LPGAT1: variants seen among roughly 807,000 people sequenced by gnomAD.
LPGAT1 encodes lysophosphatidylglycerol acyltransferase 1.
In LPGAT1, 11 loss-of-function variants were observed where a neutral mutation model predicts 47.5. The ratio of observed to expected loss-of-function variants is 0.23; its 90% CI spans 0.15 to 0.38. The LOEUF is 0.38. Ranked by LOEUF, LPGAT1 falls within the 10% of genes least tolerant of loss-of-function variation. LPGAT1 has a pLI of 1.00. For synonymous variants in LPGAT1, 138 were observed against 144.2 expected (o/e 0.96, Z 0.31); for missense variants, 293 against 439.0 (o/e 0.67, Z 2.97).
intron 2 of LPGAT1, among the ~76,000 whole-genome samples, chr1:211,797,987 A>T (rs1444019604): frequency 1.3e-5 from 2 of 152,150 alleles, no homozygotes; most frequent in Non-Finnish European, 2.9e-5. Flanking sequence ...ACATTCTAAC[A>T]TGTATATCAA....
intron 2 of LPGAT1, among the ~76,000 whole-genome samples, chr1:211,794,542 G>A (rs985056835): frequency 3.3e-5 from 5 of 152,120 alleles, no homozygotes; most frequent in African/African-American, 7.2e-5. Flanking sequence ...CTGGGCTCAA[G>A]CAATCCACCG....
chr1:211,792,704 T>G (rs977027637), intron 3 of LPGAT1, among the ~76,000 whole-genome samples: 1 of 139,656 alleles, frequency 7.2e-6, no homozygotes, highest in Non-Finnish European at 1.5e-5. Flanking sequence ...ATATTTGAAT[T>G]GATTCCCTTT....
At chr1:211,826,576 G>A (rs1660549350) in intron 2 of LPGAT1, among the ~76,000 whole-genome samples, 1 of 151,972 alleles carries the variant, frequency 6.6e-6, no homozygotes, top group Non-Finnish European at 1.5e-5. Context: ...TACTATATGG[G>A]GCTGTGTAGG....
chr1:211,796,347 A>G (rs1327458274), intron 2 of LPGAT1, among the ~76,000 whole-genome samples: 1 of 152,180 alleles, frequency 6.6e-6, no homozygotes, highest in Admixed American at 6.5e-5. Context: ...TGGAGTCCTT[A>G]TAAGAATAGG....
intron 2 of LPGAT1, among the ~76,000 whole-genome samples, chr1:211,805,018 G>A (rs1290200488): frequency 1.3e-5 from 2 of 151,668 alleles, no homozygotes; most frequent in East Asian, 1.9e-4. Context: ...TAAAATTGGG[G>A]GGATGTAAAT....
chr1:211,749,741 G>A lies in LPGAT1; in HGVS notation c.*158C>T, dbSNP rs1355531348. 4.1e-6 allele frequency: 3 copies of A among 723,706 alleles called. No individual in the cohort carries two copies. In the Admixed American group the frequency reaches 8.3e-5, roughly 20 times the overall value. 44.8% of individuals were successfully genotyped at this position (723,706 alleles called of 1,614,324 possible). On this transcript the variant is annotated 3_prime_UTR_variant, in exon 8 of 8. Coordinates refer to ENST00000366997, the MANE Select transcript of LPGAT1 (RefSeq NM_014873.3). ...TATATTACTAATCCTCATTTTAGTA[G>A]ATTTTAAAATATCCCAAAGGGGGAT...
At chr1:211,786,815 C>T (rs1305052586) in intron 4 of LPGAT1, among the ~76,000 whole-genome samples, 1 of 151,982 alleles carries the variant, frequency 6.6e-6, no homozygotes, top group Non-Finnish European at 1.5e-5. Context: ...TAGATATCTA[C>T]TATATTATAC....
chr1:211,787,489 CAAAAAAA>C, intron 4 of LPGAT1, 136 bp downstream of exon 4: 15 of 184,028 alleles, frequency 8.2e-5, no homozygotes, highest in Admixed American at 2.1e-4. Context: ...CTCTGTCTCT[CAAAAAAA>C]AAAAAAAAAA....
intron 2 of LPGAT1, among the ~76,000 whole-genome samples, chr1:211,806,247 G>A (rs539888604): frequency 1.4e-4 from 21 of 147,892 alleles, no homozygotes; most frequent in Admixed American, 4.8e-4. Context: ...GAAACAGGGC[G>A]AGGGTCTGTC....
intron 3 of LPGAT1, chr1:211,792,036 A>C (rs1433657738): frequency 6.6e-6 from 1 of 151,602 alleles, no homozygotes; most frequent in Non-Finnish European, 1.5e-5. Flanking sequence ...CTAAAGACTG[A>C]ATTTATTTTT....
At chr1:211,770,506 T>C (rs1226578223) in intron 6 of LPGAT1, among the ~76,000 whole-genome samples, 1 of 152,242 alleles carries the variant, frequency 6.6e-6, no homozygotes. Flanking sequence ...TACATAGTCA[T>C]GTGCCACATG....
At chr1:211,795,731 T>C (rs780483637) in intron 2 of LPGAT1, among the ~76,000 whole-genome samples, 3 of 152,126 alleles carry the variant, frequency 2.0e-5, no homozygotes, top group Non-Finnish European at 4.4e-5. Flanking sequence ...TATGCCCCTG[T>C]TGACAACCCT....
chr1:211,827,925 C>T (rs1241300731), intron 2 of LPGAT1, among the ~76,000 whole-genome samples: 1 of 152,190 alleles, frequency 6.6e-6, no homozygotes, highest in Non-Finnish European at 1.5e-5. Context: ...GGAGAAAAGG[C>T]TTCATCTGGG....
Position 211,746,076 on chromosome 1 carries a change from C to T in LPGAT1, c.*3823G>A, listed in dbSNP as rs1158658521. 6.6e-6 allele frequency: 1 copy of T among 152,434 alleles called. No homozygotes were observed. The highest frequency in any genetic ancestry group is 1.5e-5 in the Non-Finnish European group (1 of 67,984). The allele number at this position is 152,434 out of a possible 1,614,324, so 9.4% of individuals were successfully genotyped here. On this transcript the variant is annotated 3_prime_UTR_variant, in exon 8 of 8. Transcript: ENST00000366997. Reference sequence around the variant, plus strand: ...TTTCTTTTCAAATATAAAAATAATCCAAGAAGACTATCCATGATTAAAGGC... The same window carrying T: ...TTTCTTTTCAAATATAAAAATAATCTAAGAAGACTATCCATGATTAAAGGC...
At chr1:211,807,471 A>C (rs1347782610) in intron 2 of LPGAT1, among the ~76,000 whole-genome samples, 1 of 152,188 alleles carries the variant, frequency 6.6e-6, no homozygotes, top group African/African-American at 2.4e-5. Context: ...AAAAAAAAAT[A>C]AAGTTGGAAG....
At chr1:211,829,512 A>G in intron 1 of LPGAT1, 189 bp from the exon 2 acceptor site, 2 of 1,427,184 alleles carry the variant, frequency 1.4e-6, no homozygotes, top group Non-Finnish European at 9.1e-7. Flanking sequence ...GGAGCCGCAC[A>G]AGGTCAAGGG....
chr1:211,828,970 C>T, intron 2 of LPGAT1, 89 bp downstream of exon 2: 1 of 1,317,676 alleles, frequency 7.6e-7, no homozygotes, highest in Non-Finnish European at 1.1e-6. Context: ...GACATGAAAG[C>T]ATCCTCAACC....
At chr1:211,829,432 G>T (rs1660647976) in intron 1 of LPGAT1, 109 bp from the exon 2 acceptor site, 1 of 1,488,912 alleles carries the variant, frequency 6.7e-7, no homozygotes. Flanking sequence ...GAGGGTCGAA[G>T]CTTTCCGGGT....
intron 2 of LPGAT1, among the ~76,000 whole-genome samples, chr1:211,816,169 C>T (rs771974830): frequency 2.0e-5 from 3 of 152,234 alleles, no homozygotes; most frequent in Non-Finnish European, 4.4e-5. Context: ...GTGTTCCTTT[C>T]TCAAGGGCAT....
Sources: allele counts gnomAD v4.1 joint callset (sites outside exome capture counted in the v4.1 genomes callset), GRCh38; gene constraint gnomAD v4.1.1; transcripts MANE v1.5; gene names NCBI Gene and HGNC (gene_info 2026-07-23, HGNC 2026-07-21).